The following GULP1 variants were observed in gnomAD, a reference collection of about 807,000 sequenced individuals.
GULP1 encodes PTB domain-containing engulfment adapter protein 1.
Under a neutral mutation model 40.9 loss-of-function variants are expected in GULP1, and 19 were observed. That is an observed-to-expected ratio of 0.46 (90% CI 0.32 to 0.68). The LOEUF (loss-of-function observed/expected upper bound fraction) is 0.68, where lower values mean the gene tolerates loss of function less well. GULP1 is among the 30% of genes least tolerant of loss of function. GULP1 has a pLI of 0.03. For missense variants in GULP1, 312 were observed against 362.2 expected (o/e 0.86, Z 1.12); for synonymous variants, 119 against 117.6 (o/e 1.01, Z -0.08).
At chr2:188,527,006 T>C (rs1040793013) in intron 5 of GULP1, among the ~76,000 whole-genome samples, 1 of 152,100 alleles carries the variant, frequency 6.6e-6, no homozygotes, top group Admixed American at 6.5e-5. Flanking sequence ...ATTAGAGATG[T>C]TGTGCTTATT....
rs1690390404 is a variant in GULP1, at chr2:188,541,183, A to G, written c.264A>G (p.Glu88=). ...GVKILEPKTK[E]VQHNCQLHRI... is the part of the protein sequence containing the mutation. ...TTTATTTCCATCTGTGTTCACAGGA[A>G]GTTCAACACAATTGCCAGCTTCATA... Residue 88 remains glutamate (E), a splice_region_variant and synonymous_variant, in exon 7 of 12, where the codon GAA becomes GAG. Coordinates refer to ENST00000409830, the MANE Select transcript of GULP1 (RefSeq NM_016315.4). 1.2e-6 allele frequency: 2 copies of G among 1,611,890 alleles called. No homozygotes were observed. Among genetic ancestry groups the G allele is most frequent in the Admixed American group, 3.3e-5 (2 of 59,990 alleles).
intron 5 of GULP1, among the ~76,000 whole-genome samples, chr2:188,528,780 T>C (rs1686818413): frequency 6.6e-6 from 1 of 152,164 alleles, no homozygotes; most frequent in Non-Finnish European, 1.5e-5. Flanking sequence ...AAAAACAAAC[T>C]GATCTCTACA....
chr2:188,548,762 A>G (rs1028245862), intron 7 of GULP1, among the ~76,000 whole-genome samples: 5 of 151,902 alleles, frequency 3.3e-5, no homozygotes, highest in African/African-American at 1.2e-4. Flanking sequence ...ATATAAATTA[A>G]CACACAGAAA....
chr2:188,572,177 A>G (rs576075286), intron 9 of GULP1, among the ~76,000 whole-genome samples: 2 of 152,280 alleles, frequency 1.3e-5, no homozygotes, highest in East Asian at 3.9e-4. Context: ...AGTGTCTTTG[A>G]CCATTTGGCT....
intron 2 of GULP1, among the ~76,000 whole-genome samples, chr2:188,471,129 T>A: frequency 6.6e-6 from 1 of 152,330 alleles, no homozygotes; most frequent in African/African-American, 2.4e-5. Context: ...CCTTTGGTAC[T>A]ATTTGCCTTG....
At chr2:188,408,325 G>A (rs1259020163) in intron 2 of GULP1, among the ~76,000 whole-genome samples, 3 of 152,010 alleles carry the variant, frequency 2.0e-5, no homozygotes, top group African/African-American at 7.3e-5. Flanking sequence ...TTAGTGCATG[G>A]TATTCTGTTA....
At chr2:188,482,011 T>C (rs952055044) in intron 3 of GULP1, among the ~76,000 whole-genome samples, 3 of 150,740 alleles carry the variant, frequency 2.0e-5, no homozygotes, top group African/African-American at 7.3e-5. Context: ...ATTTCACACA[T>C]TAAATGTCAA....
intron 8 of GULP1, 168 bp downstream of exon 8, chr2:188,569,523 GT>G (rs199618262): frequency 0.047 from 20,828 of 441,826 alleles, 39 homozygotes; most frequent in East Asian, 0.064. Context: ...CCCCTGCACA[GT>G]TTTTTTTTTT....
chr2:188,333,371 T>C (rs900046678), intron 1 of GULP1, among the ~76,000 whole-genome samples: 2 of 152,092 alleles, frequency 1.3e-5, no homozygotes, highest in African/African-American at 4.8e-5. Flanking sequence ...GAAAATAGTA[T>C]TCCAGATATT....
chr2:188,317,571 T>C (rs1487628735), intron 1 of GULP1, among the ~76,000 whole-genome samples: 1 of 152,120 alleles, frequency 6.6e-6, no homozygotes, highest in East Asian at 1.9e-4. Context: ...GTCTGTCAAA[T>C]GTTTATGTAT....
intron 2 of GULP1, among the ~76,000 whole-genome samples, chr2:188,393,501 T>C (rs1277146739): frequency 3.3e-5 from 5 of 152,006 alleles, no homozygotes; most frequent in East Asian, 1.9e-4. Context: ...ACAGCAGATA[T>C]TTGGTTTGTG....
At chr2:188,314,148 C>T (rs765516254) in intron 1 of GULP1, among the ~76,000 whole-genome samples, 8 of 142,150 alleles carry the variant, frequency 5.6e-5, no homozygotes, top group Non-Finnish European at 1.2e-4. Context: ...TCTATATTTT[C>T]TATATAGTTC....
chr2:188,321,155 A>G (rs953667781), intron 1 of GULP1, among the ~76,000 whole-genome samples: 2 of 152,146 alleles, frequency 1.3e-5, no homozygotes, highest in African/African-American at 4.8e-5. Flanking sequence ...ACTTCCTTTG[A>G]AGAAACAATA....
At chr2:188,337,765 C>T (rs1375872564) in intron 1 of GULP1, among the ~76,000 whole-genome samples, 1 of 151,880 alleles carries the variant, frequency 6.6e-6, no homozygotes, top group Non-Finnish European at 1.5e-5. Flanking sequence ...GTTCTCTGGC[C>T]ACCTTGGAAT....
intron 9 of GULP1, among the ~76,000 whole-genome samples, chr2:188,577,520 C>G (rs1700389323): frequency 6.6e-6 from 1 of 151,956 alleles, no homozygotes; most frequent in Admixed American, 6.6e-5. Flanking sequence ...GTTAGTTGCA[C>G]AAGATAATTC....
At chr2:188,553,657 G>A (rs1225305795) in intron 7 of GULP1, among the ~76,000 whole-genome samples, 1 of 151,902 alleles carries the variant, frequency 6.6e-6, no homozygotes, top group African/African-American at 2.4e-5. Flanking sequence ...TTGTTATCAA[G>A]GTGATCTTGG....
intron 1 of GULP1, among the ~76,000 whole-genome samples, chr2:188,307,322 A>G (rs1186456488): frequency 6.6e-6 from 1 of 152,196 alleles, no homozygotes; most frequent in Non-Finnish European, 1.5e-5. Context: ...ATTAGGATAC[A>G]AAATTAATTT....
intron 4 of GULP1, among the ~76,000 whole-genome samples, chr2:188,494,994 G>A (rs1451844712): frequency 3.3e-5 from 5 of 151,970 alleles, no homozygotes; most frequent in Non-Finnish European, 7.4e-5. Context: ...AAGGGTTTTT[G>A]TGGTATCCTG....
Position 188,411,632 on chromosome 2 carries a change from C to T in GULP1, c.-45+27743C>T, listed in dbSNP as rs142824816. Among the ~76,000 whole-genome samples, 227 of 152,298 alleles carry T rather than the reference C, an allele frequency of 1.5e-3. 1 individual carries two copies. Among genetic ancestry groups the T allele is most frequent in the Admixed American group, 0.012 (176 of 15,294 alleles). ...ACAAATATCTTCACTTTGTTTTTAA[C>T]CACTAAGAGAATTTCATCCACATAC... On this transcript the variant is annotated intron_variant, in intron 2 of 11. Coordinates refer to ENST00000409830, the MANE Select transcript of GULP1 (RefSeq NM_016315.4).
Sources: allele counts gnomAD v4.1 joint callset (sites outside exome capture counted in the v4.1 genomes callset), GRCh38; gene constraint gnomAD v4.1.1; transcripts MANE v1.5; gene names NCBI Gene and HGNC (gene_info 2026-07-23, HGNC 2026-07-21).